The following DPP10 variants were observed in gnomAD, a reference collection of about 807,000 sequenced individuals.
DPP10 encodes the protein dipeptidyl peptidase like 10.
DPP10 carries 33 observed loss-of-function variants against 120.9 expected under a neutral mutation model. The ratio of observed to expected loss-of-function variants is 0.27; its 90% CI spans 0.21 to 0.37. The LOEUF is 0.37. DPP10 is among the 10% of genes least tolerant of loss of function. The pLI is 1.00. For synonymous variants in DPP10, 337 were observed against 326.1 expected (o/e 1.03, Z -0.36); for missense variants, 816 against 942.8 (o/e 0.87, Z 1.76).
chr2:115,148,598 G>A (rs535862677), intron 1 of DPP10, among the ~76,000 whole-genome samples: 3 of 152,228 alleles, frequency 2.0e-5, no homozygotes, highest in African/African-American at 4.8e-5. Context: ...AGAAGGAATT[G>A]CTCTAAGTGT....
intron 1 of DPP10, among the ~76,000 whole-genome samples, chr2:115,204,387 C>T (rs2055967421): frequency 1.3e-5 from 2 of 152,124 alleles, no homozygotes; most frequent in Non-Finnish European, 2.9e-5. Context: ...CCTCTAGCCT[C>T]TTGCTATTGA....
intron 3 of DPP10, among the ~76,000 whole-genome samples, chr2:115,364,773 G>A (rs1273033967): frequency 1.3e-5 from 2 of 151,920 alleles, no homozygotes; most frequent in African/African-American, 2.4e-5. Context: ...TATCTAGCAC[G>A]TAGTTACGCT....
chr2:114,445,460 G>C (rs992144912), intron 1 of DPP10, among the ~76,000 whole-genome samples: 1 of 151,910 alleles, frequency 6.6e-6, no homozygotes, highest in East Asian at 1.9e-4. Context: ...AATGCAATGG[G>C]AATGAACAAA....
chr2:115,089,540 C>A (rs978190568), intron 1 of DPP10, among the ~76,000 whole-genome samples: 7 of 152,154 alleles, frequency 4.6e-5, no homozygotes, highest in South Asian at 4.2e-4. Context: ...TCCTCCCATA[C>A]TGTACAAATA....
Position 114,967,223 on chromosome 2 carries a change from A to G in DPP10, c.61-342016A>G, listed in dbSNP as rs374545806. Among the ~76,000 whole-genome samples, 14 of 152,238 alleles carry G rather than the reference A, an allele frequency of 9.2e-5. 1 individual carries two copies. Among genetic ancestry groups the G allele is most frequent in the East Asian group, 5.8e-4 (3 of 5,202 alleles). On this transcript the variant is annotated intron_variant, in intron 1 of 25. Transcript: ENST00000410059. ...AAAAATCTTCCATTAGGCAGCATTC[A>G]GAACAGAGGAAAACAATTGATAATT...
chr2:115,514,217 C>T (rs185492770), intron 4 of DPP10, among the ~76,000 whole-genome samples: 1 of 151,820 alleles, frequency 6.6e-6, no homozygotes, highest in Non-Finnish European at 1.5e-5. Flanking sequence ...GTCAACTTGA[C>T]TATGATCTAT....
chr2:115,746,596 C>T (rs1416233768), intron 10 of DPP10, among the ~76,000 whole-genome samples: 2 of 152,062 alleles, frequency 1.3e-5, no homozygotes, highest in Non-Finnish European at 2.9e-5. Context: ...GCCAAAGATT[C>T]TCTAGCTTTC....
At chr2:115,381,942 A>G (rs11902251) in intron 3 of DPP10, among the ~76,000 whole-genome samples, 1,630 of 152,102 alleles carry the variant, frequency 0.011, 23 homozygotes, top group African/African-American at 0.038. Context: ...TGGGAGAACC[A>G]CTGCTCTCTT....
In DPP10 at chr2:115,535,840, G is replaced by C. The variant is rs546386019; in HGVS notation, c.441+9868G>C. Among the ~76,000 whole-genome samples the C allele has an allele frequency of 2.7e-3, 411 of 152,132 alleles. 1 individual carries two copies. Among genetic ancestry groups the C allele is most frequent in the Non-Finnish European group, 4.8e-3 (324 of 67,998 alleles). On this transcript the variant is annotated intron_variant, in intron 5 of 25. Coordinates refer to ENST00000410059, the MANE Select transcript of DPP10 (RefSeq NM_020868.6). The stretch of plus-strand genomic sequence containing the variant: ...AAGAGGTCCTTCACCTCCCTTGTAA[G>C]TTGGATTCCTAGGTATTTTATTCTC...
chr2:114,525,685 T>C (rs1478759844), intron 1 of DPP10, among the ~76,000 whole-genome samples: 1 of 152,246 alleles, frequency 6.6e-6, no homozygotes, highest in African/African-American at 2.4e-5. Context: ...GTCATGTTAC[T>C]ATGTTTAACC....
chr2:114,579,247 C>T (rs77466260), intron 1 of DPP10, among the ~76,000 whole-genome samples: 1 of 152,156 alleles, frequency 6.6e-6, no homozygotes, highest in Non-Finnish European at 1.5e-5. Flanking sequence ...ATGCGCTGGG[C>T]TTTGAGTGGG....
chr2:114,704,796 C>T lies in DPP10; in HGVS notation c.60+261958C>T, dbSNP rs566428042. The stretch of plus-strand genomic sequence containing the variant: ...ATAATTTATATGTTGAAGCTCTAAC[C>T]TCTGATATGATTGAATTTGGAGATA... On this transcript the variant is annotated intron_variant, in intron 1 of 25. Coordinates refer to ENST00000410059, the MANE Select transcript of DPP10 (RefSeq NM_020868.6). Among the ~76,000 whole-genome samples, 4 of 152,176 alleles carry T rather than the reference C, an allele frequency of 2.6e-5. No homozygotes were observed. The South Asian group carries it at 8.3e-4, about 32-fold the overall frequency.
intron 1 of DPP10, among the ~76,000 whole-genome samples, chr2:114,677,705 T>C (rs941854316): frequency 6.6e-6 from 1 of 152,020 alleles, no homozygotes; most frequent in Non-Finnish European, 1.5e-5. Context: ...AGGAATATAG[T>C]GTTTGTTTCT....
intron 1 of DPP10, among the ~76,000 whole-genome samples, chr2:114,594,701 CT>C (rs1420906808): frequency 6.6e-6 from 1 of 151,716 alleles, no homozygotes; most frequent in Non-Finnish European, 1.5e-5. Context: ...GAAGGACAGT[CT>C]TTATTGAAAG....
chr2:115,162,026 C>T, intron 1 of DPP10: 1 of 1,400,818 alleles, frequency 7.1e-7, no homozygotes, highest in Non-Finnish European at 9.2e-7. Context: ...GCCGGCGGAC[C>T]AGGTGAGAGT....
chr2:114,716,701 GT>G (rs554242220), intron 1 of DPP10, among the ~76,000 whole-genome samples: 272 of 152,232 alleles, frequency 1.8e-3, no homozygotes, highest in African/African-American at 6.0e-3. Context: ...TAGATAATTT[GT>G]AAGATCTCTA....
intron 1 of DPP10, among the ~76,000 whole-genome samples, chr2:114,645,443 T>G (rs1696045536): frequency 6.6e-6 from 1 of 152,340 alleles, no homozygotes; most frequent in Middle Eastern, 3.4e-3. Context: ...TAGCAGTTCT[T>G]GTACTGTTTA....
intron 1 of DPP10, among the ~76,000 whole-genome samples, chr2:114,784,448 G>C (rs1045273140): frequency 6.6e-6 from 1 of 152,064 alleles, no homozygotes; most frequent in Non-Finnish European, 1.5e-5. Context: ...TGACTTCAAG[G>C]TATGCATGCC....
chr2:115,377,663 TTC>T (rs1467175530), intron 3 of DPP10, among the ~76,000 whole-genome samples: 2 of 152,196 alleles, frequency 1.3e-5, no homozygotes, highest in Non-Finnish European at 2.9e-5. Flanking sequence ...CTAGGTTTTC[TTC>T]TAGGGTTTTT....
Sources: allele counts gnomAD v4.1 joint callset (sites outside exome capture counted in the v4.1 genomes callset), GRCh38; gene constraint gnomAD v4.1.1; transcripts MANE v1.5; gene names NCBI Gene and HGNC (gene_info 2026-07-23, HGNC 2026-07-21).